Variants in MTMR10 observed in about 807,000 individuals in gnomAD.
The protein encoded by MTMR10 is myotubularin related protein 10.
A neutral mutation model predicts 88.1 loss-of-function variants in MTMR10; 56 were observed. The ratio of observed to expected loss-of-function variants is 0.64; its 90% CI spans 0.51 to 0.79. The LOEUF is 0.79. MTMR10 is among the 30% of genes least tolerant of loss of function. The probability of loss-of-function intolerance (pLI) is 0.00; values close to 1 mark genes in which losing one functional copy is unlikely to be tolerated. For synonymous variants in MTMR10, 380 were observed against 340.9 expected (o/e 1.11, Z -1.26); for missense variants, 883 against 924.7 (o/e 0.95, Z 0.58).
the MTMR10 span, among the ~76,000 whole-genome samples, chr15:30,920,212 T>C: frequency 4.6e-5 from 7 of 150,820 alleles, no homozygotes; most frequent in Admixed American, 3.9e-4. Flanking sequence ...TTATTCTCTT[T>C]ATTTATTAAC....
intron 14 of MTMR10, 55 bp downstream of exon 14, chr15:30,947,075 C>T (rs1390835215): frequency 3.3e-6 from 5 of 1,516,808 alleles, no homozygotes; most frequent in Admixed American, 2.3e-5. Flanking sequence ...TCAATTATGC[C>T]TCGATAAAGT....
the MTMR10 span, chr15:30,927,251 A>G: frequency 1.0e-6 from 1 of 985,532 alleles, no homozygotes; most frequent in Non-Finnish European, 1.2e-6. Flanking sequence ...TCTGGCCTTT[A>G]TATTCCTGCC....
chr15:30,928,167 G>C, the MTMR10 span: 4 of 1,013,424 alleles, frequency 3.9e-6, no homozygotes, highest in Non-Finnish European at 4.7e-6. Context: ...ATCAGGGCCT[G>C]CATGGGGATT....
chr15:30,957,598 C>G (rs888812838), intron 9 of MTMR10, among the ~76,000 whole-genome samples: 1 of 152,108 alleles, frequency 6.6e-6, no homozygotes, highest in Admixed American at 6.5e-5. Flanking sequence ...TGGTGGGTGC[C>G]TGTAATCCCA....
intron 14 of MTMR10, among the ~76,000 whole-genome samples, chr15:30,945,327 G>A (rs1448329095): frequency 6.6e-6 from 1 of 152,214 alleles, no homozygotes; most frequent in Non-Finnish European, 1.5e-5. Flanking sequence ...AGGGAAAGCA[G>A]AGGAAATACT....
the MTMR10 span, among the ~76,000 whole-genome samples, chr15:30,933,241 C>T: frequency 6.6e-6 from 1 of 152,078 alleles, no homozygotes; most frequent in Admixed American, 6.5e-5. Context: ...TTGAGAACTT[C>T]TTTTCTAATA....
intron 2 of MTMR10, among the ~76,000 whole-genome samples, chr15:30,979,913 A>C (rs1186505685): frequency 6.6e-6 from 1 of 152,264 alleles, no homozygotes; most frequent in Non-Finnish European, 1.5e-5. Context: ...TTAGTAAGAC[A>C]TAGCCATACT....
intron 2 of MTMR10, among the ~76,000 whole-genome samples, chr15:30,986,208 T>C (rs2030930227): frequency 1.3e-5 from 2 of 151,830 alleles, no homozygotes; most frequent in Admixed American, 6.6e-5. Flanking sequence ...TCCTAGCTAC[T>C]TGGGAGGCTG....
chr15:30,925,575 C>T, the MTMR10 span, among the ~76,000 whole-genome samples: 1 of 152,324 alleles, frequency 6.6e-6, no homozygotes. Flanking sequence ...TCACTGGGGA[C>T]CTGTAGAGCA....
At chr15:30,921,112 G>T in the MTMR10 span, among the ~76,000 whole-genome samples, 2 of 152,144 alleles carry the variant, frequency 1.3e-5, no homozygotes, top group Non-Finnish European at 2.9e-5. Flanking sequence ...GCCAACGAGG[G>T]CATAGTTAAT....
chr15:30,951,256 T>A (rs540172832), intron 12 of MTMR10, among the ~76,000 whole-genome samples: 7 of 152,358 alleles, frequency 4.6e-5, no homozygotes, highest in African/African-American at 1.7e-4. Flanking sequence ...CAGTCTAAAT[T>A]TCTTCATCTC....
chr15:30,976,762 T>G (rs2030183548), intron 3 of MTMR10, 57 bp downstream of exon 3: 2 of 1,543,292 alleles, frequency 1.3e-6, no homozygotes, highest in Admixed American at 4.0e-5. Flanking sequence ...TATAATAATA[T>G]GTACCACTTA....
the MTMR10 span, chr15:30,930,743 A>G: frequency 6.4e-7 from 1 of 1,556,002 alleles, no homozygotes; most frequent in Non-Finnish European, 8.8e-7. Flanking sequence ...ACAAGTAGGC[A>G]TTTCTTGAGT....
the MTMR10 span, chr15:30,925,064 A>G: frequency 6.6e-7 from 1 of 1,519,754 alleles, no homozygotes; most frequent in East Asian, 2.3e-5. Context: ...CTGTCAAACT[A>G]AATGCATGGA....
chr15:30,971,283 T>C (rs2063534939), intron 5 of MTMR10, among the ~76,000 whole-genome samples: 4 of 152,184 alleles, frequency 2.6e-5, no homozygotes, highest in Admixed American at 2.6e-4. Context: ...TAAACTACTT[T>C]TAAATCAATT....
At chr15:30,983,306 T>A (rs2030718319) in intron 2 of MTMR10, among the ~76,000 whole-genome samples, 1 of 152,198 alleles carries the variant, frequency 6.6e-6, no homozygotes, top group African/African-American at 2.4e-5. Context: ...AATTAGAGGA[T>A]GATGAGCCAA....
At chr15:30,990,963 T>C (rs1233074043) in intron 1 of MTMR10, 126 bp from the exon 2 acceptor site, 3 of 778,086 alleles carry the variant, frequency 3.9e-6, no homozygotes, top group Non-Finnish European at 6.1e-6. Context: ...TTAAATTCTT[T>C]CGCATATTAA....
intron 12 of MTMR10, chr15:30,949,904 C>CA (rs1215126535): frequency 6.6e-6 from 1 of 152,112 alleles, no homozygotes; most frequent in Non-Finnish European, 1.5e-5. Context: ...ATGAAATGCC[C>CA]AGAAAGGGAA....
downstream of MTMR10, among the ~76,000 whole-genome samples, chr15:30,935,936 C>T (rs2062839737): frequency 2.6e-5 from 4 of 151,906 alleles, no homozygotes. Flanking sequence ...ATTTGTGTGC[C>T]TGGGATTCAT....
Sources: allele counts gnomAD v4.1 joint callset (sites outside exome capture counted in the v4.1 genomes callset), GRCh38; gene constraint gnomAD v4.1.1; transcripts MANE v1.5; gene names NCBI Gene and HGNC (gene_info 2026-07-23, HGNC 2026-07-21).